The following CDH13 variants were observed in gnomAD, a reference collection of about 807,000 sequenced individuals.
CDH13 encodes cadherin-13.
In CDH13, 24 loss-of-function variants were observed where a neutral mutation model predicts 63.8. That is an observed-to-expected ratio of 0.38 (90% confidence interval 0.27 to 0.53). The LOEUF is 0.53. Ranked by LOEUF, CDH13 falls within the 20% of genes least tolerant of loss-of-function variation. CDH13 has a pLI of 0.85. For synonymous variants in CDH13, 503 were observed against 355.3 expected (o/e 1.42, Z -4.67); for missense variants, 1,049 against 903.1 (o/e 1.16, Z -2.07).
At chr16:82,964,028 C>G (rs1907441931) in intron 2 of CDH13, among the ~76,000 whole-genome samples, 1 of 152,136 alleles carries the variant, frequency 6.6e-6, no homozygotes, top group Non-Finnish European at 1.5e-5. Flanking sequence ...GCTTTTGAGA[C>G]CTCCCGAGTC....
chr16:83,623,246 A>G (rs1909975253), intron 8 of CDH13, among the ~76,000 whole-genome samples: 1 of 152,156 alleles, frequency 6.6e-6, no homozygotes, highest in African/African-American at 2.4e-5. Context: ...TCAGTCCCCT[A>G]TTACAGACTC....
At chr16:82,719,542 A>G (rs1456634763) in intron 1 of CDH13, 1 of 426,974 alleles carries the variant, frequency 2.3e-6, no homozygotes. Flanking sequence ...CTCTGTTTTA[A>G]GCATTTGATT....
chr16:83,186,975 G>C (rs1481285322), intron 4 of CDH13, among the ~76,000 whole-genome samples: 2 of 143,244 alleles, frequency 1.4e-5, no homozygotes, highest in Non-Finnish European at 3.0e-5. Flanking sequence ...TTTTATTACT[G>C]TAATTTTTTT....
intron 4 of CDH13, among the ~76,000 whole-genome samples, chr16:83,158,713 T>C (rs189153257): frequency 8.1e-4 from 124 of 152,348 alleles, no homozygotes; most frequent in Non-Finnish European, 1.6e-3. Flanking sequence ...AGCTGCTCCA[T>C]GGCCAGGAAG....
chr16:83,290,078 T>C (rs949714165), intron 5 of CDH13, among the ~76,000 whole-genome samples: 1 of 152,196 alleles, frequency 6.6e-6, no homozygotes, highest in Non-Finnish European at 1.5e-5. Flanking sequence ...CCATGCTGTG[T>C]ATACTCTTTT....
At chr16:83,200,921 ATGTGTGTGTGTGTGTGTGTGTGTGTG>A (rs374017580) in intron 4 of CDH13, among the ~76,000 whole-genome samples, 11 of 129,670 alleles carry the variant, frequency 8.5e-5, no homozygotes, top group African/African-American at 2.3e-4. Flanking sequence ...AGTCTTAAAA[ATGTGTGTGTGTGTGTGTGTGTGTGTG>A]TGTGTGTGTG....
intron 6 of CDH13, among the ~76,000 whole-genome samples, chr16:83,412,268 C>T (rs1446667485): frequency 6.6e-6 from 1 of 152,162 alleles, no homozygotes; most frequent in Non-Finnish European, 1.5e-5. Flanking sequence ...TCGAGACCAG[C>T]TTGGCCAACA....
At chr16:83,677,736 G>C (rs2150869651) in intron 9 of CDH13, among the ~76,000 whole-genome samples, 1 of 152,236 alleles carries the variant, frequency 6.6e-6, no homozygotes, top group South Asian at 2.1e-4. Context: ...TTGCTATAAA[G>C]CTACTGAGGA....
intron 5 of CDH13, among the ~76,000 whole-genome samples, chr16:83,283,709 C>G (rs1057468693): frequency 1.3e-5 from 2 of 152,128 alleles, no homozygotes; most frequent in African/African-American, 2.4e-5. Context: ...TCCCTTCCAC[C>G]TTGCCATCAT....
intron 1 of CDH13, chr16:82,825,115 C>T (rs1027664096): frequency 6.6e-6 from 1 of 152,130 alleles, no homozygotes; most frequent in Non-Finnish European, 1.5e-5. Context: ...ATACGAATCT[C>T]TCCACTTTGA....
At chr16:83,162,096 C>A (rs916560095) in intron 4 of CDH13, among the ~76,000 whole-genome samples, 1 of 152,232 alleles carries the variant, frequency 6.6e-6, no homozygotes, top group Non-Finnish European at 1.5e-5. Flanking sequence ...TAAACATGAA[C>A]TGCTTCTCAG....
chr16:83,753,790 C>T (rs514995), intron 11 of CDH13, among the ~76,000 whole-genome samples: 49,918 of 151,478 alleles, frequency 0.33, 8,893 homozygotes, highest in Non-Finnish European at 0.39. Context: ...GGATACAGTA[C>T]GGAAGTGTCC....
chr16:83,202,327 G>T (rs966107496), intron 4 of CDH13, among the ~76,000 whole-genome samples: 3 of 152,162 alleles, frequency 2.0e-5, no homozygotes, highest in African/African-American at 7.2e-5. Context: ...CTCAGCAAAA[G>T]TTGATGCTGA....
At chr16:82,701,293 G>A (rs558480984) in intron 1 of CDH13, among the ~76,000 whole-genome samples, 7 of 152,056 alleles carry the variant, frequency 4.6e-5, no homozygotes, top group South Asian at 2.1e-4. Context: ...GATGGACCAC[G>A]GGGTCCTTTT....
chr16:83,561,101 T>C (rs987051731), intron 7 of CDH13, among the ~76,000 whole-genome samples: 1 of 152,206 alleles, frequency 6.6e-6, no homozygotes, highest in Admixed American at 6.5e-5. Context: ...TTGGATGTTG[T>C]TCTTTTCTTC....
chr16:82,922,543 G>A (rs2042187227), intron 2 of CDH13, among the ~76,000 whole-genome samples: 1 of 152,146 alleles, frequency 6.6e-6, no homozygotes, highest in Admixed American at 6.5e-5. Context: ...TCTTCTTGTT[G>A]TATGTATTAA....
Position 82,938,007 on chromosome 16 carries a change from G to T in CDH13, c.157+79534G>T, listed in dbSNP as rs144673858. On this transcript the variant is annotated intron_variant, in intron 2 of 13. Transcript: ENST00000567109. ...ACCCTGTAACAATGGAATTGTGTTA[G>T]CTTACATAATTTTCATTGTTTAATT... is the stretch of plus-strand genomic sequence containing the variant. Among the ~76,000 whole-genome samples, 699 of 152,270 alleles carry T rather than the reference G, an allele frequency of 4.6e-3. 3 individuals carry two copies. The highest frequency in any genetic ancestry group is 7.9e-3 in the Non-Finnish European group (539 of 68,006).
chr16:83,089,447 G>A (rs1170231001), intron 3 of CDH13, among the ~76,000 whole-genome samples: 1 of 152,234 alleles, frequency 6.6e-6, no homozygotes, highest in Non-Finnish European at 1.5e-5. Context: ...GAGAACTTGT[G>A]TTCTGGGCTT....
intron 2 of CDH13, among the ~76,000 whole-genome samples, chr16:82,928,159 CGTGTATGT>C (rs930545921): frequency 2.1e-5 from 1 of 46,648 alleles, no homozygotes; most frequent in African/African-American, 6.0e-5. Flanking sequence ...AGTAGGCAGT[CGTGTATGT>C]GTGTGTGTGT....
Sources: gnomAD v4.1 joint callset for allele counts (sites outside exome capture counted in the v4.1 genomes callset) on GRCh38, gnomAD v4.1.1 for gene constraint, MANE v1.5 for transcripts, NCBI Gene and HGNC (gene_info 2026-07-23, HGNC 2026-07-21) for gene names.